Variants in CDH12 observed in about 807,000 individuals in gnomAD.
CDH12 encodes the protein cadherin 12, also known as cadherin-12.
A neutral mutation model predicts 74.1 loss-of-function variants in CDH12; 41 were observed. The ratio of observed to expected loss-of-function variants is 0.55; its 90% CI spans 0.43 to 0.72. CDH12 has a LOEUF of 0.72. CDH12 is among the 30% of genes least tolerant of loss of function. The pLI is 0.00. For synonymous variants in CDH12, 399 were observed against 355.0 expected (o/e 1.12, Z -1.39); for missense variants, 945 against 977.2 (o/e 0.97, Z 0.44).
At chr5:22,179,106 G>A (rs1329878366) in intron 4 of CDH12, among the ~76,000 whole-genome samples, 1 of 152,178 alleles carries the variant, frequency 6.6e-6, no homozygotes, top group Non-Finnish European at 1.5e-5. Context: ...AGAAGTATTG[G>A]CACATAATAG....
intron 4 of CDH12, among the ~76,000 whole-genome samples, chr5:22,185,215 T>C (rs1749868879): frequency 6.6e-6 from 1 of 151,322 alleles, no homozygotes; most frequent in African/African-American, 2.4e-5. Context: ...TTTTTTTTTT[T>C]GAGAAGGAGT....
At chr5:22,664,322 C>T (rs1488520505) in intron 1 of CDH12, among the ~76,000 whole-genome samples, 1 of 152,172 alleles carries the variant, frequency 6.6e-6, no homozygotes, top group South Asian at 2.1e-4. Flanking sequence ...GCTGGGGATA[C>T]CTCAGGAAAC....
In CDH12 at chr5:21,816,397, C is replaced by T. The variant is rs955322142; in HGVS notation, c.1002+548G>A. 9.9e-5 allele frequency among the ~76,000 whole-genome samples: 15 copies of T among 151,828 alleles called. 1 individual carries two copies. Among genetic ancestry groups the T allele is most frequent in the African/African-American group, 3.6e-4 (15 of 41,362 alleles). ...ACCCCAGCACTTTGGGAGGCCGAGG[C>T]AGGTGGATCACGAGGTCAGGAGTTT... is the stretch of plus-strand genomic sequence containing the variant. On this transcript the variant is annotated intron_variant, in intron 9 of 14. Coordinates refer to ENST00000382254, the MANE Select transcript of CDH12 (RefSeq NM_004061.5).
Position 21,761,031 on chromosome 5 carries a change from CT to C in CDH12, c.1516-357del, listed in dbSNP as rs1198999804. Among the ~76,000 whole-genome samples the C allele has an allele frequency of 1.6e-4, 24 of 152,200 alleles. 1 individual carries two copies. Among genetic ancestry groups the C allele is most frequent in the African/African-American group, 5.3e-4 (22 of 41,532 alleles). ...TCTAGCCTGAATGTGAAAATGCTTA[CT>C]GAAAACAAAATCTCTGATTATCTAA... On this transcript the variant is annotated intron_variant, in intron 12 of 14. Coordinates refer to ENST00000382254, the MANE Select transcript of CDH12 (RefSeq NM_004061.5).
intron 1 of CDH12, among the ~76,000 whole-genome samples, chr5:22,767,782 T>C (rs1209781035): frequency 1.3e-5 from 2 of 151,924 alleles, no homozygotes; most frequent in Non-Finnish European, 2.9e-5. Flanking sequence ...TAATCAACTA[T>C]AGTTAAACAA....
At chr5:22,533,100 T>G (rs1580740585) in intron 1 of CDH12, among the ~76,000 whole-genome samples, 1 of 152,236 alleles carries the variant, frequency 6.6e-6, no homozygotes, top group South Asian at 2.1e-4. Context: ...TTTTTTTCTT[T>G]TTTCTTTTTC....
intron 2 of CDH12, among the ~76,000 whole-genome samples, chr5:22,477,437 G>A (rs1025595164): frequency 2.6e-5 from 4 of 152,074 alleles, no homozygotes; most frequent in East Asian, 3.9e-4. Context: ...TTATGGCTGC[G>A]TAGTATTTCA....
chr5:22,837,880 C>G (rs1355908535), intron 1 of CDH12, among the ~76,000 whole-genome samples: 1 of 152,082 alleles, frequency 6.6e-6, no homozygotes, highest in Non-Finnish European at 1.5e-5. Context: ...GCTTGGAAGC[C>G]AGTGTGTAAA....
intron 6 of CDH12, among the ~76,000 whole-genome samples, chr5:21,923,779 A>G (rs1381191468): frequency 1.3e-5 from 2 of 152,238 alleles, no homozygotes; most frequent in Non-Finnish European, 2.9e-5. Context: ...TTTAACCATT[A>G]CAATGTTTTT....
At chr5:22,473,508 A>T (rs1189299391) in intron 2 of CDH12, among the ~76,000 whole-genome samples, 1 of 152,142 alleles carries the variant, frequency 6.6e-6, no homozygotes, top group African/African-American at 2.4e-5. Context: ...TATTTTGTAA[A>T]GTATATGTGA....
intron 3 of CDH12, among the ~76,000 whole-genome samples, chr5:22,323,202 G>C (rs1738954749): frequency 6.6e-6 from 1 of 151,942 alleles, no homozygotes; most frequent in South Asian, 2.1e-4. Context: ...TTTACAACCG[G>C]GACAGGTCTA....
chr5:21,755,818 C>A lies in CDH12; in HGVS notation c.1658G>T (p.Arg553Leu). 1 of 1,614,000 alleles carries A rather than the reference C, an allele frequency of 6.2e-7. No individual in the cohort carries two copies. Among genetic ancestry groups the A allele is most frequent in the East Asian group, 2.2e-5 (1 of 44,862 alleles). The change falls in exon 14 of 15, where the codon CGA becomes CTA. Residue 553 changes from arginine to leucine, a missense_variant. Physicochemically the swap from Arg to Leu is moderately radical, Grantham distance 102. This residue lies in a region of CDH12 where 791 missense variants were observed against 792.8 expected (regional missense o/e 1.00). Coordinates refer to ENST00000382254, the MANE Select transcript of CDH12 (RefSeq NM_004061.5). ...FRNNTAGIETRRNGYSRRQQE... is the reference protein window; with the variant it reads ...FRNNTAGIETLRNGYSRRQQE... ...CTGCCTGCGGCTGTATCCATTTCTT[C>A]GGGTTTCAATCCCCGCTGTGTTGTC...
At chr5:22,216,655 T>C (rs1429143616) in intron 3 of CDH12, among the ~76,000 whole-genome samples, 2 of 151,972 alleles carry the variant, frequency 1.3e-5, no homozygotes, top group Non-Finnish European at 2.9e-5. Flanking sequence ...TACATATTTC[T>C]GCTTATGTCT....
At chr5:21,820,588 G>C (rs910611921) in intron 8 of CDH12, among the ~76,000 whole-genome samples, 1 of 151,932 alleles carries the variant, frequency 6.6e-6, no homozygotes, top group Non-Finnish European at 1.5e-5. Context: ...TAAGATAAGT[G>C]TTTCTTAATA....
At chr5:22,306,683 A>G (rs1738131107) in intron 3 of CDH12, among the ~76,000 whole-genome samples, 1 of 152,170 alleles carries the variant, frequency 6.6e-6, no homozygotes. Context: ...GGTCAAATGA[A>G]TGAGATTTCT....
chr5:22,513,739 A>T (rs1347668123), intron 1 of CDH12, among the ~76,000 whole-genome samples: 1 of 152,004 alleles, frequency 6.6e-6, no homozygotes, highest in Non-Finnish European at 1.5e-5. Flanking sequence ...TGAGGTCAGG[A>T]GTTTGAGACC....
At chr5:22,048,458 T>C (rs890932220) in intron 5 of CDH12, among the ~76,000 whole-genome samples, 7 of 152,168 alleles carry the variant, frequency 4.6e-5, no homozygotes, top group African/African-American at 1.4e-4. Flanking sequence ...AGTTGTGTTC[T>C]GGGCATTTGC....
intron 6 of CDH12, among the ~76,000 whole-genome samples, chr5:21,943,599 C>T (rs754529907): frequency 4.9e-4 from 74 of 152,058 alleles, no homozygotes; most frequent in Admixed American, 2.3e-3. Flanking sequence ...ACTACACACT[C>T]AGTTGTGTAG....
At chr5:21,938,174 C>A (rs1324130975) in intron 6 of CDH12, among the ~76,000 whole-genome samples, 14 of 151,902 alleles carry the variant, frequency 9.2e-5, no homozygotes, top group Admixed American at 2.0e-4. Flanking sequence ...TAATTGCCTA[C>A]TCCAACACCT....
Sources: allele counts gnomAD v4.1 joint callset (sites outside exome capture counted in the v4.1 genomes callset), GRCh38; gene constraint gnomAD v4.1.1; regional missense constraint gnomAD v4.1.1; transcripts MANE v1.5; gene names NCBI Gene and HGNC (gene_info 2026-07-23, HGNC 2026-07-21).